The following IL2RA variants were observed in gnomAD, a reference collection of about 807,000 sequenced individuals.
IL2RA encodes interleukin-2 receptor subunit alpha.
In IL2RA, 24 loss-of-function variants were observed where a neutral mutation model predicts 37.8. The observed-to-expected ratio is 0.63, with a 90% CI of 0.46 to 0.89. The LOEUF is 0.89. IL2RA is among the 40% of genes least tolerant of loss of function. The pLI, the probability that IL2RA is intolerant of heterozygous loss-of-function variation, is 0.00. For synonymous variants in IL2RA, 125 were observed against 114.6 expected (o/e 1.09, Z -0.58); for missense variants, 319 against 348.6 (o/e 0.92, Z 0.68).
chr10:6,045,399 C>T (rs993373480), intron 1 of IL2RA, among the ~76,000 whole-genome samples: 7 of 152,038 alleles, frequency 4.6e-5, no homozygotes, highest in Non-Finnish European at 8.8e-5. Context: ...ACCAAAAATA[C>T]CCCTACAAGC....
At chr10:6,049,883 G>A (rs1307323277) in intron 1 of IL2RA, among the ~76,000 whole-genome samples, 1 of 152,214 alleles carries the variant, frequency 6.6e-6, no homozygotes, top group Non-Finnish European at 1.5e-5. Context: ...CCGGTAGGCA[G>A]ACAAGATGGG....
chr10:6,020,893 G>A lies in IL2RA; in HGVS notation c.583+585C>T, dbSNP rs959328162. On this transcript the variant is annotated intron_variant, in intron 4 of 7. Transcript: ENST00000379959. The surrounding 1 kb of genome is among the most constrained non-coding windows in gnomAD (Gnocchi z 5.6). ...TAAGATTTCAGAAGGAAGACAGCAG[G>A]AGACCTCGACATCGGTGGGCTGAGC... Among the ~76,000 whole-genome samples, 1 of 152,038 alleles carries A rather than the reference G, an allele frequency of 6.6e-6. No individual in the cohort carries two copies. The highest frequency in any genetic ancestry group is 2.4e-5 in the African/African-American group (1 of 41,396).
chr10:6,060,590 A>G (rs894510983), intron 1 of IL2RA, among the ~76,000 whole-genome samples: 4 of 152,046 alleles, frequency 2.6e-5, no homozygotes, highest in African/African-American at 9.7e-5. Context: ...CCCCATCTCT[A>G]CTAAAAATAC....
At chr10:6,039,002 A>G (rs2132878284) in intron 1 of IL2RA, among the ~76,000 whole-genome samples, 1 of 152,338 alleles carries the variant, frequency 6.6e-6, no homozygotes, top group African/African-American at 2.4e-5. Flanking sequence ...ATAATTATCA[A>G]TGTGGATAGA....
At position 6,029,996 on chromosome 10, in the gene IL2RA, T is replaced by C. The variant is rs1437217120; in HGVS notation, c.65-3971A>G. ...CTGGGATTACAGGTGTGAGCCACCG[T>C]GCCCAGCCAATATTTTTAAACATAA... On this transcript the variant is annotated intron_variant, in intron 1 of 7. Coordinates refer to ENST00000379959, the MANE Select transcript of IL2RA (RefSeq NM_000417.3). The surrounding 1 kb of genome is among the most constrained non-coding windows in gnomAD (Gnocchi z 4.6). Among the ~76,000 whole-genome samples the C allele has an allele frequency of 6.6e-6, 1 of 152,176 alleles. No individual in the cohort carries two copies. The highest frequency in any genetic ancestry group is 1.5e-5 in the Non-Finnish European group (1 of 68,022).
At chr10:6,055,111 C>T (rs1324385175) in intron 1 of IL2RA, among the ~76,000 whole-genome samples, 1 of 152,200 alleles carries the variant, frequency 6.6e-6, no homozygotes, top group African/African-American at 2.4e-5. Flanking sequence ...CATAGGCCTC[C>T]TGTGGAACCT....
intron 4 of IL2RA, 52 bp from the exon 5 acceptor site, chr10:6,019,993 C>T (rs1839358892): frequency 2.0e-6 from 3 of 1,486,016 alleles, no homozygotes; most frequent in Admixed American, 1.7e-5. Flanking sequence ...GAGTCAGGGC[C>T]TCACTCCCAC....
chr10:6,045,744 G>T (rs1399620480), intron 1 of IL2RA, among the ~76,000 whole-genome samples: 2 of 152,128 alleles, frequency 1.3e-5, no homozygotes, highest in East Asian at 3.8e-4. Flanking sequence ...TTTCTGCAAG[G>T]AGAGAGACTC....
Position 6,010,872 on chromosome 10 carries a change from T to C in IL2RA, c.*2000A>G, listed in dbSNP as rs1161104131. On this transcript the variant is annotated 3_prime_UTR_variant, in exon 8 of 8. Coordinates refer to ENST00000379959, the MANE Select transcript of IL2RA (RefSeq NM_000417.3). The stretch of plus-strand genomic sequence containing the variant: ...TATTATCATGGAAAAGTTTTGATCT[T>C]ATAGACCCCTCAACACCCAAAAGTC... 6.6e-6 allele frequency: 1 copy of C among 152,252 alleles called. No individual in the cohort carries two copies. Among genetic ancestry groups the C allele is most frequent in the Non-Finnish European group, 1.5e-5 (1 of 68,006 alleles). 9.4% of individuals were successfully genotyped at this position (152,252 alleles called of 1,614,324 possible).
intron 1 of IL2RA, among the ~76,000 whole-genome samples, chr10:6,050,453 A>G (rs902120931): frequency 9.9e-5 from 15 of 152,132 alleles, no homozygotes; most frequent in Non-Finnish European, 2.2e-4. Flanking sequence ...CCTGGCCAAC[A>G]TGGTCTCTAC....
intron 5 of IL2RA, 117 bp from the exon 6 acceptor site, chr10:6,019,616 G>A (rs55853626): frequency 6.3e-4 from 528 of 835,868 alleles, no homozygotes; most frequent in Non-Finnish European, 9.0e-4. Context: ...TGGGAGACAC[G>A]TGGTGGTGGT....
rs1291779742 is a variant in IL2RA, at chr10:6,058,744, T to C, written c.64+3344A>G. On this transcript the variant is annotated intron_variant, in intron 1 of 7. Transcript: ENST00000379959. This position sits in a 1 kb window ranked among gnomAD's most constrained non-coding sequence, Gnocchi z 4.2. ...CAGAATTCCTAGAATGAAAGAAAGA[T>C]GATCAAGGGACATACAAGCTCTCAG... Among the ~76,000 whole-genome samples the C allele has an allele frequency of 3.3e-5, 5 of 152,152 alleles. No homozygotes were observed. Among genetic ancestry groups the C allele is most frequent in the African/African-American group, 9.7e-5 (4 of 41,424 alleles).
At chr10:6,061,939 G>T (rs953999648) in intron 1 of IL2RA, 149 bp downstream of exon 1, 8 of 649,196 alleles carry the variant, frequency 1.2e-5, no homozygotes, top group Non-Finnish European at 2.0e-5. Flanking sequence ...ATAAACTGGG[G>T]TCCCCGTGGG....
chr10:6,061,961 A>G lies in IL2RA; in HGVS notation c.64+127T>C, dbSNP rs1405366184. On this transcript the variant is annotated intron_variant, in intron 1 of 7. Transcript: ENST00000379959. ...GGGGTCCCCGTGGGTCACAGGCAAGAGGTGGAACCCAAGATTCAACTCCCT... is the reference window on the plus strand; with the variant it reads ...GGGGTCCCCGTGGGTCACAGGCAAGGGGTGGAACCCAAGATTCAACTCCCT... 1.2e-5 allele frequency: 9 copies of G among 770,576 alleles called. No homozygotes were observed. The African/African-American group carries it at 1.5e-4, about 13-fold the overall frequency. 47.7% of individuals were successfully genotyped at this position (770,576 alleles called of 1,614,324 possible). A position where few individuals can be genotyped will look rare whatever the true frequency, so the allele number is the denominator to read the frequency against.
chr10:6,062,127 C>G lies in IL2RA; in HGVS notation c.25G>C (p.Gly9Arg). The G allele has an allele frequency of 6.2e-7, 1 of 1,614,032 alleles. No individual in the cohort carries two copies. Among genetic ancestry groups the G allele is most frequent in the Non-Finnish European group, 8.5e-7 (1 of 1,179,928 alleles). The change falls in exon 1 of 8, where the codon GGA (glycine) becomes CGA (arginine). Residue 9 changes from glycine to arginine, a missense_variant. Physicochemically the swap from Gly to Arg is moderately radical, Grantham distance 125 (BLOSUM62 -2). Coordinates refer to ENST00000379959, the MANE Select transcript of IL2RA (RefSeq NM_000417.3). MDSYLLMW[G>R]LLTFIMVPGC... ...GGCACCATGATGAACGTGAGCAGTC[C>G]CCACATCAGCAGGTATGAATCCATC...
At position 6,018,052 on chromosome 10, in the gene IL2RA, C is replaced by A; in HGVS notation, c.794+1G>T. 6.2e-7 allele frequency: 1 copy of A among 1,613,566 alleles called. No homozygotes were observed. Among genetic ancestry groups the A allele is most frequent in the Non-Finnish European group, 8.5e-7 (1 of 1,179,608 alleles). Reference sequence around the variant, plus strand: ...GGCTGCCTTGGTGATGCCACACTTACTGTCTCCGCTGCCAGGTGAGCCCAC... The same window carrying A: ...GGCTGCCTTGGTGATGCCACACTTAATGTCTCCGCTGCCAGGTGAGCCCAC... On this transcript the variant is annotated splice_donor_variant, in intron 7 of 7. Coordinates refer to ENST00000379959, the MANE Select transcript of IL2RA (RefSeq NM_000417.3). LOFTEE classifies it high-confidence loss of function. The surrounding 1 kb of genome is among the most constrained non-coding windows in gnomAD (Gnocchi z 5.1).
rs2132906747 is a variant in IL2RA at position 6,058,498 on chromosome 10, G to A, written c.64+3590C>T. ...AAGACATGTCTTGAAGATGAATGAA[G>A]TAACAGTAGCAATAATACTTTGGGA... On this transcript the variant is annotated intron_variant, in intron 1 of 7. Transcript: ENST00000379959. The surrounding 1 kb of genome is among the most constrained non-coding windows in gnomAD (Gnocchi z 4.2). Among the ~76,000 whole-genome samples the A allele has an allele frequency of 6.6e-6, 1 of 152,302 alleles. No homozygotes were observed. Among genetic ancestry groups the A allele is most frequent in the South Asian group, 2.1e-4 (1 of 4,830 alleles).
At chr10:6,023,781 C>T (rs1398086371) in intron 3 of IL2RA, among the ~76,000 whole-genome samples, 1 of 152,216 alleles carries the variant, frequency 6.6e-6, no homozygotes, top group African/African-American at 2.4e-5. Context: ...GTGTGGCATG[C>T]ACATTTTACA....
rs764769036 is a variant in IL2RA, at chr10:6,015,433, G to A, written c.795-2537C>T. On this transcript the variant is annotated intron_variant, in intron 7 of 7. Transcript: ENST00000379959. The surrounding 1 kb of genome is among the most constrained non-coding windows in gnomAD (Gnocchi z 4.9). Reference sequence around the variant, plus strand: ...TTAGCCTAGTGCGGTGATCCTCAGAGTCTGCTCCCTGGAACGGCAGCGTCA... The same window carrying A: ...TTAGCCTAGTGCGGTGATCCTCAGAATCTGCTCCCTGGAACGGCAGCGTCA... Among the ~76,000 whole-genome samples, 2 of 152,106 alleles carry A rather than the reference G, an allele frequency of 1.3e-5. No individual in the cohort carries two copies. The highest frequency in any genetic ancestry group is 2.9e-5 in the Non-Finnish European group (2 of 68,026).
Sources: allele counts gnomAD v4.1 joint callset (sites outside exome capture counted in the v4.1 genomes callset), GRCh38; gene constraint gnomAD v4.1.1; non-coding constraint Gnocchi (gnomAD v3.1); transcripts MANE v1.5; gene names NCBI Gene and HGNC (gene_info 2026-07-23, HGNC 2026-07-21).